SGCZ: variants seen among roughly 807,000 people sequenced by gnomAD.
The protein encoded by SGCZ is sarcoglycan zeta.
A neutral mutation model predicts 41.3 loss-of-function variants in SGCZ; 40 were observed. The observed-to-expected ratio is 0.97, with a 90% CI of 0.75 to 1.26. The LOEUF (loss-of-function observed/expected upper bound fraction) is 1.26. Ranked by LOEUF, SGCZ falls within the 50% of genes most tolerant of loss-of-function variation. The pLI is 0.00. For missense variants in SGCZ, 552 were observed against 369.8 expected (o/e 1.49, Z -4.04); for synonymous variants, 206 against 137.5 (o/e 1.50, Z -3.49).
intron 1 of SGCZ, among the ~76,000 whole-genome samples, chr8:14,794,956 G>C (rs1347664570): frequency 4.6e-5 from 7 of 152,156 alleles, no homozygotes; most frequent in African/African-American, 1.2e-4. Context: ...GCAGAGTTAA[G>C]GAGCACAATA....
At chr8:14,976,742 G>C (rs900095234) in intron 1 of SGCZ, among the ~76,000 whole-genome samples, 8 of 152,222 alleles carry the variant, frequency 5.3e-5, no homozygotes, top group African/African-American at 1.4e-4. Context: ...TCCCACACCG[G>C]TGTTAATCTT....
At chr8:14,714,056 C>T (rs1046184115) in intron 1 of SGCZ, among the ~76,000 whole-genome samples, 2 of 152,266 alleles carry the variant, frequency 1.3e-5, no homozygotes, top group South Asian at 2.1e-4. Context: ...CAACCTCTGC[C>T]TCCTTGGTTG....
intron 1 of SGCZ, among the ~76,000 whole-genome samples, chr8:14,675,742 A>T (rs1808257008): frequency 6.6e-6 from 1 of 152,204 alleles, no homozygotes. Context: ...AATATGTAAA[A>T]TATCATCTTT....
chr8:14,147,136 C>T (rs1398162072), intron 5 of SGCZ, among the ~76,000 whole-genome samples: 1 of 151,686 alleles, frequency 6.6e-6, no homozygotes, highest in Non-Finnish European at 1.5e-5. Flanking sequence ...AACTAAAAAA[C>T]AAGAAACGAA....
intron 2 of SGCZ, among the ~76,000 whole-genome samples, chr8:14,530,541 T>G (rs1478732238): frequency 1.3e-5 from 2 of 152,034 alleles, no homozygotes; most frequent in Non-Finnish European, 2.9e-5. Context: ...CATACAGGAG[T>G]GCTCTTGTAA....
rs943015246 is a variant in SGCZ, at chr8:14,090,375, C to A, written c.*68G>T. On this transcript the variant is annotated 3_prime_UTR_variant, in exon 8 of 8. Coordinates refer to ENST00000382080, the MANE Select transcript of SGCZ (RefSeq NM_139167.4). Reference sequence around the variant, plus strand: ...GCTCTGGACTGATCACAAGGGAAACCGAGCAGAACTGTGAAGCAGACGGAC... The same window carrying A: ...GCTCTGGACTGATCACAAGGGAAACAGAGCAGAACTGTGAAGCAGACGGAC... The A allele has an allele frequency of 5.3e-5, 81 of 1,517,970 alleles. 1 individual carries two copies. The Admixed American group carries it at 1.6e-3, about 29-fold the overall frequency. The allele number at this position is 1,517,970 out of a possible 1,614,324, so 94.0% of individuals were successfully genotyped here.
At chr8:14,374,197 GC>G (rs1171476382) in intron 2 of SGCZ, among the ~76,000 whole-genome samples, 6 of 152,028 alleles carry the variant, frequency 3.9e-5, no homozygotes, top group Non-Finnish European at 8.8e-5. Flanking sequence ...GGACAACATG[GC>G]AAAACACTGT....
chr8:14,721,416 T>A (rs1271512388), intron 1 of SGCZ, among the ~76,000 whole-genome samples: 1 of 152,192 alleles, frequency 6.6e-6, no homozygotes, highest in Non-Finnish European at 1.5e-5. Context: ...GAAAACCTGA[T>A]CCTTCTGTCA....
At chr8:15,157,884 C>T (rs759273256) in intron 1 of SGCZ, among the ~76,000 whole-genome samples, 7 of 152,134 alleles carry the variant, frequency 4.6e-5, no homozygotes, top group South Asian at 2.1e-4. Context: ...TACAAAGAAA[C>T]GTAGAGACCA....
At chr8:14,238,619 G>T (rs1806853767) in intron 3 of SGCZ, among the ~76,000 whole-genome samples, 1 of 152,134 alleles carries the variant, frequency 6.6e-6, no homozygotes, top group Non-Finnish European at 1.5e-5. Flanking sequence ...CCACAGACAA[G>T]TAACATCCAA....
chr8:14,677,940 T>C (rs565613576), intron 1 of SGCZ, among the ~76,000 whole-genome samples: 1 of 152,160 alleles, frequency 6.6e-6, no homozygotes, highest in African/African-American at 2.4e-5. Context: ...AATATGGTAC[T>C]GGTGAAATAA....
At chr8:14,400,904 A>G (rs1799053041) in intron 2 of SGCZ, among the ~76,000 whole-genome samples, 3 of 152,284 alleles carry the variant, frequency 2.0e-5, no homozygotes, top group East Asian at 1.9e-4. Context: ...ATGTAACTGA[A>G]TAAGTGTTGT....
intron 5 of SGCZ, among the ~76,000 whole-genome samples, chr8:14,120,489 T>C (rs1802664601): frequency 6.6e-6 from 1 of 152,140 alleles, no homozygotes; most frequent in Non-Finnish European, 1.5e-5. Context: ...AAGTACAATG[T>C]GGTTTTATAT....
At chr8:14,962,246 A>C (rs992643524) in intron 1 of SGCZ, among the ~76,000 whole-genome samples, 1 of 152,136 alleles carries the variant, frequency 6.6e-6, no homozygotes, top group Non-Finnish European at 1.5e-5. Flanking sequence ...CTTCTCATAT[A>C]GACAACAGTT....
chr8:15,041,222 T>A (rs547430995), intron 1 of SGCZ, among the ~76,000 whole-genome samples: 3 of 151,812 alleles, frequency 2.0e-5, no homozygotes, highest in Non-Finnish European at 4.4e-5. Flanking sequence ...CATAAGAAAA[T>A]ATTTCTTAAA....
chr8:14,695,656 C>T (rs781483720), intron 1 of SGCZ, among the ~76,000 whole-genome samples: 8 of 151,906 alleles, frequency 5.3e-5, no homozygotes, highest in Non-Finnish European at 1.2e-4. Flanking sequence ...ATAAAACCTA[C>T]ATTACACAAT....
chr8:14,612,446 T>C (rs537181459), intron 1 of SGCZ, among the ~76,000 whole-genome samples: 5 of 152,236 alleles, frequency 3.3e-5, no homozygotes, highest in African/African-American at 9.6e-5. Context: ...GAAGTGTGAG[T>C]CAATTAAGTT....
At chr8:14,831,092 C>A (rs1379585797) in intron 1 of SGCZ, among the ~76,000 whole-genome samples, 2 of 152,104 alleles carry the variant, frequency 1.3e-5, no homozygotes, top group Non-Finnish European at 2.9e-5. Context: ...ATGAGGAAGT[C>A]ATTTCTTCTG....
chr8:14,981,521 C>T (rs1196778950), intron 1 of SGCZ, among the ~76,000 whole-genome samples: 1 of 152,170 alleles, frequency 6.6e-6, no homozygotes, highest in African/African-American at 2.4e-5. Flanking sequence ...TAATCATCAG[C>T]ATGAAATTTC....
Sources: gnomAD v4.1 joint callset for allele counts (sites outside exome capture counted in the v4.1 genomes callset) on GRCh38, gnomAD v4.1.1 for gene constraint, MANE v1.5 for transcripts, NCBI Gene and HGNC (gene_info 2026-07-23, HGNC 2026-07-21) for gene names.